RBFOX1: variants seen among roughly 807,000 people sequenced by gnomAD.
The protein encoded by RBFOX1 is RNA binding protein fox-1 homolog 1.
In RBFOX1, 8 loss-of-function variants were observed where a neutral mutation model predicts 57.7. The observed-to-expected ratio is 0.14, with a 90% confidence interval of 0.08 to 0.25. The LOEUF is 0.25. RBFOX1 is among the 10% of genes least tolerant of loss of function. The pLI is 1.00. For missense variants in RBFOX1, 611 were observed against 548.5 expected, an observed-to-expected ratio of 1.11 and a Z score of -1.14; for synonymous variants, 326 against 222.4, an observed-to-expected ratio of 1.47 and a Z score of -4.15.
intron 4 of RBFOX1, among the ~76,000 whole-genome samples, chr16:7,348,386 A>G (rs1001728066): frequency 4.6e-5 from 7 of 151,258 alleles, no homozygotes; most frequent in Admixed American, 2.0e-4. Context: ...CTTTTGAAAT[A>G]AAATTAATGA....
intron 1 of RBFOX1, among the ~76,000 whole-genome samples, chr16:6,287,275 C>T (rs1039048430): frequency 2.6e-5 from 4 of 152,132 alleles, no homozygotes; most frequent in African/African-American, 9.7e-5. Flanking sequence ...AAATGGCCAA[C>T]GAGTGCCACC....
intron 3 of RBFOX1, among the ~76,000 whole-genome samples, chr16:6,698,439 C>A (rs1250712703): frequency 6.6e-6 from 1 of 152,122 alleles, no homozygotes; most frequent in African/African-American, 2.4e-5. Context: ...TGAAGTTCTC[C>A]TGTGGCCGCC....
chr16:6,682,423 T>C (rs2058794441), intron 3 of RBFOX1, among the ~76,000 whole-genome samples: 2 of 152,168 alleles, frequency 1.3e-5, no homozygotes, highest in Admixed American at 1.3e-4. Context: ...AAAAAAAGTG[T>C]TTCATTTTAT....
intron 4 of RBFOX1, among the ~76,000 whole-genome samples, chr16:5,901,328 G>T (rs2058300687): frequency 6.6e-6 from 1 of 152,090 alleles, no homozygotes; most frequent in African/African-American, 2.4e-5. Context: ...TACTGTTGGG[G>T]TTACCTTTTA....
chr16:5,753,060 T>C (rs1293334656), intron 3 of RBFOX1, among the ~76,000 whole-genome samples: 3 of 151,842 alleles, frequency 2.0e-5, no homozygotes, highest in Non-Finnish European at 4.4e-5. Context: ...CTTGGGAGGC[T>C]GAGGTGGGAG....
chr16:7,390,292 A>G (rs750248600), intron 4 of RBFOX1, among the ~76,000 whole-genome samples: 1 of 152,204 alleles, frequency 6.6e-6, no homozygotes, highest in Non-Finnish European at 1.5e-5. Context: ...TCAGGGGTCT[A>G]GAAAGGTAAA....
intron 3 of RBFOX1, among the ~76,000 whole-genome samples, chr16:6,706,551 A>G (rs1354294689): frequency 6.6e-6 from 1 of 152,132 alleles, no homozygotes; most frequent in Non-Finnish European, 1.5e-5. Context: ...TGGGGACAAA[A>G]CAGATTTACC....
chr16:6,578,245 T>A (rs533012196), intron 2 of RBFOX1, among the ~76,000 whole-genome samples: 2 of 152,180 alleles, frequency 1.3e-5, no homozygotes, highest in African/African-American at 4.8e-5. Context: ...TTGCAAGTCA[T>A]CACAAAACAC....
chr16:6,199,059 C>G (rs1459985751), intron 1 of RBFOX1, among the ~76,000 whole-genome samples: 1 of 151,960 alleles, frequency 6.6e-6, no homozygotes, highest in Non-Finnish European at 1.5e-5. Flanking sequence ...GTTTTCTCTT[C>G]TGCAGCAAAG....
chr16:5,473,926 G>T, intron 2 of RBFOX1, among the ~76,000 whole-genome samples: 1 of 150,092 alleles, frequency 6.7e-6, no homozygotes, highest in Non-Finnish European at 1.5e-5. Context: ...AAGGGTGGGT[G>T]GGTAGGTAGA....
At chr16:6,862,504 C>G (rs915916277) in intron 3 of RBFOX1, among the ~76,000 whole-genome samples, 1 of 152,204 alleles carries the variant, frequency 6.6e-6, no homozygotes, top group Non-Finnish European at 1.5e-5. Context: ...ACAGCTCTGC[C>G]TTGCCCAGGC....
At chr16:5,240,496 G>T (rs1263493037) in intron 1 of RBFOX1, among the ~76,000 whole-genome samples, 3 of 152,164 alleles carry the variant, frequency 2.0e-5, no homozygotes, top group Non-Finnish European at 4.4e-5. Context: ...TATGGTGGGG[G>T]TAGAGGGGAA....
In RBFOX1 at chr16:5,467,256, T is replaced by G. The variant is rs2068982669; in HGVS notation, c.258+2T>G. On this transcript the variant is annotated splice_donor_variant, in intron 2 of 2. Transcript: ENST00000585867. LOFTEE classifies it high-confidence loss of function. ...CCATACAGCCTGGTTGAGGGTCAGGTAAGTGCTCATTTTGTCCTGACTTAG... is the reference window on the plus strand; with the variant it reads ...CCATACAGCCTGGTTGAGGGTCAGGGAAGTGCTCATTTTGTCCTGACTTAG... 2 of 1,494,286 alleles carry G rather than the reference T, an allele frequency of 1.3e-6. No individual in the cohort carries two copies. The highest frequency in any genetic ancestry group is 1.4e-5 in the African/African-American group (1 of 71,628). The allele number at this position is 1,494,286 out of a possible 1,614,324, so 92.6% of individuals were successfully genotyped here.
At chr16:6,706,287 G>A (rs1169666159) in intron 3 of RBFOX1, among the ~76,000 whole-genome samples, 1 of 152,170 alleles carries the variant, frequency 6.6e-6, no homozygotes, top group Non-Finnish European at 1.5e-5. Flanking sequence ...AACTAAAAGA[G>A]TGAAAAATAA....
chr16:5,596,836 C>T (rs1314027565), intron 2 of RBFOX1, among the ~76,000 whole-genome samples: 6 of 152,198 alleles, frequency 3.9e-5, no homozygotes, highest in Admixed American at 3.9e-4. Context: ...CCCATTCAGG[C>T]TACTACTTTA....
rs1048945346 is a variant in RBFOX1, at chr16:6,365,076, C to G, written c.-64+48019C>G. On this transcript the variant is annotated intron_variant, in intron 2 of 15. Transcript: ENST00000550418. ...GCACAGTCATCAAAACTGATGAGCC[C>G]AAAATGGGATTCACCCTTAAAAAAA... Among the ~76,000 whole-genome samples the G allele has an allele frequency of 1.2e-4, 17 of 141,616 alleles. No homozygotes were observed. In the East Asian group the frequency reaches 3.0e-3, roughly 25 times the overall value. 92.9% of individuals were successfully genotyped at this position (141,616 alleles called of 152,430 possible).
chr16:6,589,907 G>A (rs895953851), intron 2 of RBFOX1, among the ~76,000 whole-genome samples: 13 of 152,072 alleles, frequency 8.5e-5, no homozygotes, highest in African/African-American at 3.1e-4. Flanking sequence ...TTTTACACAG[G>A]CAGTTTCAAC....
intron 4 of RBFOX1, among the ~76,000 whole-genome samples, chr16:7,085,345 T>G (rs182085895): frequency 6.6e-6 from 1 of 152,100 alleles, no homozygotes; most frequent in Non-Finnish European, 1.5e-5. Flanking sequence ...CCTTGCTGGA[T>G]CAGCCAGTAC....
intron 1 of RBFOX1, among the ~76,000 whole-genome samples, chr16:5,286,189 C>T (rs1361229626): frequency 2.0e-5 from 3 of 152,148 alleles, no homozygotes; most frequent in African/African-American, 7.2e-5. Context: ...TACTAGGGAC[C>T]ATGGGCAGTG....
Sources: gnomAD v4.1 joint callset for allele counts (sites outside exome capture counted in the v4.1 genomes callset) on GRCh38, gnomAD v4.1.1 for gene constraint, MANE v1.5 for transcripts, NCBI Gene and HGNC (gene_info 2026-07-23, HGNC 2026-07-21) for gene names.